Variants in CACNA2D1 observed in about 807,000 individuals in gnomAD.
CACNA2D1 encodes voltage-dependent calcium channel subunit alpha-2/delta-1.
In CACNA2D1, 53 loss-of-function variants were observed where a neutral mutation model predicts 171.5. The observed-to-expected ratio is 0.31, with a 90% CI of 0.25 to 0.39. The LOEUF (loss-of-function observed/expected upper bound fraction) is 0.39, where lower values mean the gene tolerates loss of function less well. Among genes scored for constraint, CACNA2D1 ranks in the 10% least tolerant of loss-of-function variants. CACNA2D1 has a pLI of 1.00. For missense variants in CACNA2D1, 903 were observed against 1,299.8 expected, an observed-to-expected ratio of 0.69 and a Z score of 4.69; for synonymous variants, 442 against 443.1, an observed-to-expected ratio of 1.00 and a Z score of 0.03.
intron 15 of CACNA2D1, among the ~76,000 whole-genome samples, chr7:82,009,956 T>G (rs1014791588): frequency 6.6e-6 from 1 of 152,040 alleles, no homozygotes; most frequent in African/African-American, 2.4e-5. Flanking sequence ...TGTCCTAATC[T>G]CCCCTTATTA....
At chr7:82,101,473 A>G (rs913583701) in intron 6 of CACNA2D1, among the ~76,000 whole-genome samples, 1 of 152,214 alleles carries the variant, frequency 6.6e-6, no homozygotes, top group African/African-American at 2.4e-5. Context: ...ATGAAAATCT[A>G]AAAGTTCCAA....
Position 81,946,905 on chromosome 7 carries a change from C to T in CACNA2D1, c.*3487G>A, listed in dbSNP as rs1209377201. 1 of 151,888 alleles carries T rather than the reference C, an allele frequency of 6.6e-6. No individual in the cohort carries two copies. The highest frequency in any genetic ancestry group is 1.5e-5 in the Non-Finnish European group (1 of 67,954). 9.4% of individuals were successfully genotyped at this position (151,888 alleles called of 1,614,324 possible). On this transcript the variant is annotated 3_prime_UTR_variant, in exon 39 of 39. Transcript: ENST00000356860. The stretch of plus-strand genomic sequence containing the variant: ...ACTCAAAACATTATATTGGTTTGCT[C>T]TTTACAGAAATGTACTGTGAATATT...
At chr7:82,057,635 GCTA>G (rs1274187077) in intron 10 of CACNA2D1, among the ~76,000 whole-genome samples, 2 of 152,036 alleles carry the variant, frequency 1.3e-5, no homozygotes, top group Admixed American at 6.6e-5. Flanking sequence ...GGGTGTTGCT[GCTA>G]CATAATGGTA....
intron 1 of CACNA2D1, among the ~76,000 whole-genome samples, chr7:82,350,843 AT>A (rs1273950683): frequency 6.6e-5 from 10 of 152,226 alleles, no homozygotes; most frequent in African/African-American, 2.4e-4. Context: ...CATTACAATT[AT>A]GATCGAAGGA....
intron 6 of CACNA2D1, among the ~76,000 whole-genome samples, chr7:82,109,091 A>T (rs1788083829): frequency 6.6e-6 from 1 of 152,168 alleles, no homozygotes; most frequent in African/African-American, 2.4e-5. Context: ...AGAAAAAAGG[A>T]AAAGCTACTC....
chr7:82,362,352 A>C (rs1821167681), intron 1 of CACNA2D1, among the ~76,000 whole-genome samples: 1 of 152,184 alleles, frequency 6.6e-6, no homozygotes, highest in Admixed American at 6.5e-5. Context: ...TAAAGTCTAA[A>C]GATTTCTGAG....
At chr7:82,161,908 G>A (rs930336212) in intron 4 of CACNA2D1, among the ~76,000 whole-genome samples, 1 of 152,016 alleles carries the variant, frequency 6.6e-6, no homozygotes, top group Admixed American at 6.6e-5. Context: ...CAACATTAAA[G>A]ACACAGAGGT....
At chr7:82,399,674 C>T (rs890024825) in intron 1 of CACNA2D1, among the ~76,000 whole-genome samples, 5 of 148,896 alleles carry the variant, frequency 3.4e-5, no homozygotes, top group Admixed American at 1.3e-4. Flanking sequence ...AAGATTCCAT[C>T]TCCCTCCCAC....
chr7:82,131,069 T>C (rs980994500), intron 5 of CACNA2D1, among the ~76,000 whole-genome samples: 21 of 152,322 alleles, frequency 1.4e-4, no homozygotes, highest in African/African-American at 4.6e-4. Flanking sequence ...CCCAAAGTGC[T>C]GGGATTACAG....
chr7:82,076,125 G>A (rs1368601638), intron 7 of CACNA2D1, among the ~76,000 whole-genome samples: 10 of 152,030 alleles, frequency 6.6e-5, no homozygotes, highest in Admixed American at 6.6e-4. Flanking sequence ...ACCATTATCT[G>A]TGAAAAATAA....
chr7:82,036,779 C>T (rs994670086), intron 11 of CACNA2D1, among the ~76,000 whole-genome samples: 1 of 152,148 alleles, frequency 6.6e-6, no homozygotes, highest in Non-Finnish European at 1.5e-5. Context: ...CACTCAGGAA[C>T]AACAAACTCA....
At position 82,309,315 on chromosome 7, in the gene CACNA2D1, AGAATTTC is replaced by A. The variant is rs1278305781; in HGVS notation, c.294+25813_294+25819del. 3.3e-5 allele frequency among the ~76,000 whole-genome samples: 5 copies of A among 152,206 alleles called. No homozygotes were observed. The East Asian group carries it at 9.7e-4, about 29-fold the overall frequency. ...CAGCAACTCAGGAGGTTGAGGCAGGAGAATTTCTTGAACCTGGGAGGTGGGGGTTGCA... is the reference window on the plus strand; with the variant it reads ...CAGCAACTCAGGAGGTTGAGGCAGGATTGAACCTGGGAGGTGGGGGTTGCA... On this transcript the variant is annotated intron_variant, in intron 3 of 38. Coordinates refer to ENST00000356860, the MANE Select transcript of CACNA2D1 (RefSeq NM_000722.4).
rs149743626 is a variant in CACNA2D1, at chr7:81,969,207, C to T, written c.2309-234G>A. On this transcript the variant is annotated intron_variant, in intron 28 of 38. Coordinates refer to ENST00000356860, the MANE Select transcript of CACNA2D1 (RefSeq NM_000722.4). The stretch of plus-strand genomic sequence containing the variant: ...TCGGGGACATTAATTAGCTTGGTTG[C>T]ATCTGCTTTCACAACATAATGAATA... Among the ~76,000 whole-genome samples the T allele has an allele frequency of 9.3e-4, 141 of 151,494 alleles. 1 individual carries two copies. In the Middle Eastern group the frequency reaches 0.017, roughly 18 times the overall value.
chr7:81,971,690 A>G, intron 26 of CACNA2D1, 87 bp downstream of exon 26: 1 of 779,252 alleles, frequency 1.3e-6, no homozygotes, highest in Non-Finnish European at 2.3e-6. Flanking sequence ...TGAACTGTAA[A>G]TTTATGAGAT....
intron 1 of CACNA2D1, among the ~76,000 whole-genome samples, chr7:82,412,455 G>A (rs917233443): frequency 6.6e-6 from 1 of 151,692 alleles, no homozygotes; most frequent in Non-Finnish European, 1.5e-5. Flanking sequence ...CTAATTTTTT[G>A]TATGTTTAGT....
chr7:82,075,899 G>A (rs1432326874), intron 7 of CACNA2D1, among the ~76,000 whole-genome samples: 1 of 152,130 alleles, frequency 6.6e-6, no homozygotes, highest in South Asian at 2.1e-4. Context: ...CAGATTGAGA[G>A]ATATATCTTA....
At chr7:81,986,014 G>A (rs1180106888) in intron 21 of CACNA2D1, among the ~76,000 whole-genome samples, 3 of 152,138 alleles carry the variant, frequency 2.0e-5, no homozygotes, top group African/African-American at 7.2e-5. Context: ...AATTGTTAAA[G>A]GATTTCAGAA....
At chr7:82,297,652 T>G (rs1341783194) in intron 3 of CACNA2D1, among the ~76,000 whole-genome samples, 1 of 152,148 alleles carries the variant, frequency 6.6e-6, no homozygotes, top group Non-Finnish European at 1.5e-5. Flanking sequence ...ATTCCTGAGA[T>G]CACCTTTAGC....
intron 1 of CACNA2D1, among the ~76,000 whole-genome samples, chr7:82,401,137 A>C (rs1277548923): frequency 2.0e-5 from 3 of 152,212 alleles, no homozygotes; most frequent in Non-Finnish European, 4.4e-5. Context: ...CCATTGTGGA[A>C]GTCAGTGTGG....
Sources: gnomAD v4.1 joint callset for allele counts (sites outside exome capture counted in the v4.1 genomes callset) on GRCh38, gnomAD v4.1.1 for gene constraint, MANE v1.5 for transcripts, NCBI Gene and HGNC (gene_info 2026-07-23, HGNC 2026-07-21) for gene names.